The following HP1BP3 variants were observed in gnomAD, a reference collection of about 807,000 sequenced individuals.
HP1BP3 encodes the protein heterochromatin protein 1-binding protein 3.
Under a neutral mutation model 62.5 loss-of-function variants are expected in HP1BP3, and 12 were observed. That is an observed-to-expected ratio of 0.19 (90% CI 0.12 to 0.31). HP1BP3 has a LOEUF of 0.31. Among genes scored for constraint, HP1BP3 ranks in the 10% least tolerant of loss-of-function variants. HP1BP3 has a pLI of 1.00. For synonymous variants in HP1BP3, 260 were observed against 237.8 expected (o/e 1.09, Z -0.86); for missense variants, 502 against 651.8 (o/e 0.77, Z 2.50).
chr1:20,767,371 A>C (rs1210585312), intron 7 of HP1BP3, among the ~76,000 whole-genome samples: 2 of 152,240 alleles, frequency 1.3e-5, no homozygotes, highest in African/African-American at 4.8e-5. Context: ...TAAGGCACTT[A>C]AGAGCACAGG....
intron 9 of HP1BP3, 60 bp from the exon 10 acceptor site, chr1:20,749,942 A>T: frequency 6.4e-7 from 1 of 1,571,358 alleles, no homozygotes; most frequent in Non-Finnish European, 8.6e-7. Flanking sequence ...GCAGGTCAAG[A>T]CAAGACTCCT....
At chr1:20,748,510 G>C (rs911527885) in intron 10 of HP1BP3, among the ~76,000 whole-genome samples, 1 of 152,234 alleles carries the variant, frequency 6.6e-6, no homozygotes, top group Non-Finnish European at 1.5e-5. Context: ...ACTTTGGGAG[G>C]CCGAGGCCGG....
At chr1:20,750,773 G>A (rs114631712) in intron 9 of HP1BP3, among the ~76,000 whole-genome samples, 3,662 of 149,088 alleles carry the variant, frequency 0.025, 60 homozygotes, top group Non-Finnish European at 0.04. Context: ...AGACATGTAC[G>A]ATCATCCACT....
In HP1BP3 at chr1:20,773,498, A is replaced by T; in HGVS notation, c.463T>A (p.Ser155Thr). The T allele has an allele frequency of 6.2e-7, 1 of 1,613,468 alleles. No individual in the cohort carries two copies. Among genetic ancestry groups the T allele is most frequent in the Non-Finnish European group, 8.5e-7 (1 of 1,179,632 alleles). ...GCATCCATCTTGGGACGTGGGGAAG[A>T]AGCCATCGGTGTTTGTTTCTGGGCC... ...ARAQKQTPMA[S>T]SPRPKMDAIL... is the part of the protein sequence containing the mutation. Residue 155 changes from serine (S) to threonine (T), a missense_variant, in exon 5 of 13, where the codon TCT (serine) becomes ACT (threonine). Ser to Thr is a moderately conservative substitution (Grantham distance 58). Around this residue, in one of 5 missense-constraint regions of HP1BP3, gnomAD observed 25 missense variants for 22.5 expected, o/e 1.11. Transcript: ENST00000438032.
chr1:20,786,932 A>AGGGCGG (rs2057868532), intron 1 of HP1BP3, among the ~76,000 whole-genome samples: 1 of 151,670 alleles, frequency 6.6e-6, no homozygotes, highest in Non-Finnish European at 1.5e-5. Flanking sequence ...AAACAAAACA[A>AGGGCGG]GGGCGGGAGC....
intron 8 of HP1BP3, among the ~76,000 whole-genome samples, chr1:20,763,633 A>G (rs1323988211): frequency 2.0e-5 from 3 of 152,122 alleles, no homozygotes; most frequent in Admixed American, 6.6e-5. Context: ...TCACACAAAC[A>G]CTCTCAGAGT....
Position 20,776,622 on chromosome 1 carries a change from T to A in HP1BP3, c.325A>T (p.Lys109Ter), listed in dbSNP as rs773542321. Residue 109 changes from lysine to a stop codon, truncating the protein, a stop_gained, in exon 4 of 13, where the codon AAG becomes TAG. Transcript: ENST00000438032. LOFTEE classifies it high-confidence loss of function. ...TCCTTTTTGGTTTCCTCAGAAGACTTATTTTCTTCCTTCTCTTCATTCTCA... is the reference window on the plus strand; with the variant it reads ...TCCTTTTTGGTTTCCTCAGAAGACTAATTTTCTTCCTTCTCTTCATTCTCA... ...EPENEEKEEN[K>*]SSEETKKDEK... 1 of 1,613,332 alleles carries A rather than the reference T, an allele frequency of 6.2e-7. No homozygotes were observed.
At chr1:20,764,457 C>A (rs1028637873) in intron 8 of HP1BP3, among the ~76,000 whole-genome samples, 1 of 151,828 alleles carries the variant, frequency 6.6e-6, no homozygotes, top group African/African-American at 2.4e-5. Flanking sequence ...GATTCTCCTG[C>A]CTCAGCCTCC....
intron 4 of HP1BP3, chr1:20,774,734 C>T (rs1008768688): frequency 1.3e-5 from 2 of 152,198 alleles, no homozygotes; most frequent in African/African-American, 4.8e-5. Flanking sequence ...CCTGTAATCC[C>T]AGCACTTTGG....
intron 9 of HP1BP3, among the ~76,000 whole-genome samples, chr1:20,751,618 A>C (rs968231780): frequency 1.3e-5 from 2 of 152,050 alleles, no homozygotes; most frequent in Non-Finnish European, 2.9e-5. Context: ...CCTACATGAA[A>C]GGGTGAGGGG....
chr1:20,765,264 A>G, intron 8 of HP1BP3, 113 bp downstream of exon 8: 1 of 633,572 alleles, frequency 1.6e-6, no homozygotes, highest in Admixed American at 3.3e-5. Context: ...AAAAAGATTT[A>G]TTTTTAGCTG....
At chr1:20,749,356 CTTT>C (rs1303964166) in intron 10 of HP1BP3, among the ~76,000 whole-genome samples, 1 of 142,758 alleles carries the variant, frequency 7.0e-6, no homozygotes, top group Non-Finnish European at 1.5e-5. Flanking sequence ...TTTTTCTTTT[CTTT>C]TCTTTTCTTT....
At chr1:20,760,694 G>A (rs541177145) in intron 8 of HP1BP3, among the ~76,000 whole-genome samples, 11 of 152,160 alleles carry the variant, frequency 7.2e-5, no homozygotes, top group South Asian at 4.2e-4. Flanking sequence ...AAAATTACCC[G>A]GGTGTGGTGG....
At chr1:20,756,263 T>G (rs1008054745) in intron 9 of HP1BP3, among the ~76,000 whole-genome samples, 3 of 152,200 alleles carry the variant, frequency 2.0e-5, no homozygotes, top group African/African-American at 7.2e-5. Context: ...TCCATCCTTT[T>G]CTAATTGTAT....
At chr1:20,745,519 C>A (rs779522541) in intron 12 of HP1BP3, 24 bp downstream of exon 12, 7 of 1,612,698 alleles carry the variant, frequency 4.3e-6, no homozygotes, top group South Asian at 3.3e-5. Context: ...GTCCTCCCCA[C>A]AAGGGGTTTT....
In HP1BP3 at chr1:20,776,605, G is replaced by T. The variant is rs1198376803; in HGVS notation, c.342C>A (p.Thr114=). The change falls in exon 4 of 13, where the codon ACC becomes ACA. Residue 114 remains threonine, a synonymous_variant. Transcript: ENST00000438032. ...EKEENKSSEE[T]KKDEKDQSKE... ...AAGACATAACTCCTTACTCCTTTTTGGTTTCCTCAGAAGACTTATTTTCTT... is the reference window on the plus strand; with the variant it reads ...AAGACATAACTCCTTACTCCTTTTTTGTTTCCTCAGAAGACTTATTTTCTT... 2 of 1,604,816 alleles carry T rather than the reference G, an allele frequency of 1.2e-6. No homozygotes were observed. The highest frequency in any genetic ancestry group is 1.7e-6 in the Non-Finnish European group (2 of 1,176,912).
At chr1:20,776,778 T>C in intron 3 of HP1BP3, 28 bp from the exon 4 acceptor site, 1 of 1,595,562 alleles carries the variant, frequency 6.3e-7, no homozygotes, top group Non-Finnish European at 8.5e-7. Flanking sequence ...CAGAATTGCA[T>C]AAGCAGATGT....
chr1:20,784,079 C>T (rs2057702532), intron 1 of HP1BP3, among the ~76,000 whole-genome samples: 1 of 152,262 alleles, frequency 6.6e-6, no homozygotes. Flanking sequence ...AAGCGACTCT[C>T]CCACCTTAGT....
At chr1:20,777,650 G>C (rs758774400) in intron 3 of HP1BP3, among the ~76,000 whole-genome samples, 51 of 152,216 alleles carry the variant, frequency 3.4e-4, no homozygotes, top group Non-Finnish European at 6.5e-4. Context: ...AGTAGTGACA[G>C]GGTTTCATTG....
Sources: allele counts gnomAD v4.1 joint callset (sites outside exome capture counted in the v4.1 genomes callset), GRCh38; gene constraint gnomAD v4.1.1; regional missense constraint gnomAD v4.1.1; transcripts MANE v1.5; gene names NCBI Gene and HGNC (gene_info 2026-07-23, HGNC 2026-07-21).